Variants in HNF4A observed in about 807,000 individuals in gnomAD.
HNF4A encodes the protein hepatocyte nuclear factor 4 alpha.
A neutral mutation model predicts 52.4 loss-of-function variants in HNF4A; 15 were observed. The ratio of observed to expected loss-of-function variants is 0.29; its 90% CI spans 0.19 to 0.44. The LOEUF (loss-of-function observed/expected upper bound fraction) is 0.44, where lower values mean the gene tolerates loss of function less well. Among genes scored for constraint, HNF4A ranks in the 20% least tolerant of loss-of-function variants. The pLI is 1.00. For missense variants in HNF4A, 479 were observed against 647.2 expected, an observed-to-expected ratio of 0.74 and a Z score of 2.82; for synonymous variants, 280 against 264.4, an observed-to-expected ratio of 1.06 and a Z score of -0.57.
At chr20:44,369,362 C>T (rs2063008345) in intron 1 of HNF4A, among the ~76,000 whole-genome samples, 1 of 148,838 alleles carries the variant, frequency 6.7e-6, no homozygotes, top group Non-Finnish European at 1.5e-5. Context: ...CCCAGGAGGT[C>T]GAGGCTGTAG....
At chr20:44,368,160 A>ATATTTTT (rs1200638153) in intron 1 of HNF4A, among the ~76,000 whole-genome samples, 2 of 27,780 alleles carry the variant, frequency 7.2e-5, no homozygotes, top group African/African-American at 1.5e-4. Flanking sequence ...ATATATATAT[A>ATATTTTT]TTTTTTTTTT....
chr20:44,407,626 T>C (rs2146376947), intron 3 of HNF4A, 151 bp downstream of exon 3: 1 of 710,334 alleles, frequency 1.4e-6, no homozygotes, highest in South Asian at 1.5e-5. Flanking sequence ...GGCCTGGAAA[T>C]CTGACCATAG....
rs773661614 is a variant in HNF4A at position 44,406,076 on chromosome 20, G to A, written c.134G>A (p.Gly45Asp). The change falls in exon 2 of 10, where the codon GGC becomes GAC. Residue 45 changes from glycine (G) to aspartate (D), a missense_variant. Around this residue, in one of 3 missense-constraint regions of HNF4A, gnomAD observed 90 missense variants for 105.5 expected, o/e 0.85. Transcript: ENST00000316099. ...GGCGCAGACACGTCCCCATCAGAAG[G>A]CACCAACCTCAACGCGCCCAACAGC... is the stretch of plus-strand genomic sequence containing the variant. 5.0e-6 allele frequency: 8 copies of A among 1,612,466 alleles called. No homozygotes were observed. The African/African-American group carries it at 9.3e-5, about 19-fold the overall frequency.
chr20:44,425,656 CTTTTTTT>C, intron 8 of HNF4A, among the ~76,000 whole-genome samples: 1 of 129,466 alleles, frequency 7.7e-6, no homozygotes, highest in East Asian at 2.2e-4. Flanking sequence ...TTCTTTTTTC[CTTTTTTT>C]TTTTTTTTTG....
intron 1 of HNF4A, among the ~76,000 whole-genome samples, chr20:44,383,279 T>TTATA (rs1180842871): frequency 6.6e-6 from 1 of 152,204 alleles, no homozygotes; most frequent in Non-Finnish European, 1.5e-5. Context: ...TAAGCCCTTT[T>TTATA]TATACATTAA....
intron 6 of HNF4A, 143 bp from the exon 7 acceptor site, chr20:44,419,578 C>T (rs2063715119): frequency 2.5e-6 from 2 of 802,040 alleles, no homozygotes; most frequent in African/African-American, 1.7e-5. Context: ...CCTCAGCTTC[C>T]TTACCTGTGA....
chr20:44,399,725 C>A (rs1033528804), upstream of HNF4A, among the ~76,000 whole-genome samples: 2 of 152,182 alleles, frequency 1.3e-5, no homozygotes, highest in African/African-American at 4.8e-5. Context: ...TACCCTCATT[C>A]GTTCATTCAC....
intron 5 of HNF4A, among the ~76,000 whole-genome samples, chr20:44,417,051 T>C (rs1399506133): frequency 6.6e-6 from 1 of 152,236 alleles, no homozygotes; most frequent in Non-Finnish European, 1.5e-5. Context: ...TTGTCTCTCG[T>C]TTTTAAACAT....
rs909379911 is a variant in HNF4A at position 44,431,972 on chromosome 20, T to A, written c.*2307T>A. On this transcript the variant is annotated 3_prime_UTR_variant, in exon 10 of 10. Coordinates refer to ENST00000316099, the MANE Select transcript of HNF4A (RefSeq NM_000457.6). ...AGCTCCCAAGCCTTCCCCCACCACC[T>A]CACTCAAGTGCCCCTGAAATCCCTG... 1 of 152,328 alleles carries A rather than the reference T, an allele frequency of 6.6e-6. No individual in the cohort carries two copies. Among genetic ancestry groups the A allele is most frequent in the Admixed American group, 6.5e-5 (1 of 15,282 alleles). The allele number at this position is 152,328 out of a possible 1,614,324, so 9.4% of individuals were successfully genotyped here. A position where few individuals can be genotyped will look rare whatever the true frequency, so the allele number is the denominator to read the frequency against.
chr20:44,392,622 G>T (rs1490373166), intron 1 of HNF4A, among the ~76,000 whole-genome samples: 1 of 152,170 alleles, frequency 6.6e-6, no homozygotes, highest in African/African-American at 2.4e-5. Flanking sequence ...AGGATTATAG[G>T]TGTAAGCCAC....
intron 8 of HNF4A, 81 bp from the exon 9 acceptor site, chr20:44,428,252 GCC>G: frequency 3.5e-6 from 5 of 1,448,918 alleles, no homozygotes; most frequent in Non-Finnish European, 4.8e-6. Context: ...TGGTTGATTG[GCC>G]ACGCCTGAGG....
intron 1 of HNF4A, among the ~76,000 whole-genome samples, chr20:44,378,672 A>G (rs907662291): frequency 1.3e-5 from 2 of 152,114 alleles, no homozygotes; most frequent in African/African-American, 4.8e-5. Flanking sequence ...CCCACACTGA[A>G]ACTGTACCCA....
intron 3 of HNF4A, 55 bp from the exon 4 acceptor site, chr20:44,413,639 C>A (rs2063617557): frequency 1.5e-6 from 2 of 1,325,374 alleles, no homozygotes; most frequent in Non-Finnish European, 1.1e-6. Context: ...ACAGACACCC[C>A]CACCCCCTAC....
Position 44,413,694 on chromosome 20 carries a change from C to A in HNF4A, c.386C>A (p.Ala129Asp), listed in dbSNP as rs1298896114. ...CTCACCTCTCTGTGCCTCCTCACAGCCGTCCAGAATGAGCGGGACCGGATC... is the reference window on the plus strand; with the variant it reads ...CTCACCTCTCTGTGCCTCCTCACAGACGTCCAGAATGAGCGGGACCGGATC... The change falls in exon 4 of 10, where the codon GCC (alanine) becomes GAC (aspartate). Residue 129 changes from alanine (A) to aspartate (D), a missense_variant and splice_region_variant. Coordinates refer to ENST00000316099, the MANE Select transcript of HNF4A (RefSeq NM_000457.6). 1 of 1,612,876 alleles carries A rather than the reference C, an allele frequency of 6.2e-7. No homozygotes were observed. The highest frequency in any genetic ancestry group is 8.5e-7 in the Non-Finnish European group (1 of 1,179,244).
rs137858190 is a variant in HNF4A at position 44,361,033 on chromosome 20, G to A, written c.49+5180G>A. 7.5e-3 allele frequency among the ~76,000 whole-genome samples: 1,141 copies of A among 152,234 alleles called. 13 individuals are homozygous for A. The highest frequency in any genetic ancestry group is 8.0e-3 in the Non-Finnish European group (547 of 68,024). On this transcript the variant is annotated intron_variant, in intron 1 of 9. Transcript: ENST00000316673. ...CCAGATGCTGGCTGGCTATGGGACC[G>A]TGTCCAATATCAGGCTATGGCTGTT...
chr20:44,369,876 G>A (rs2063013560), intron 1 of HNF4A, among the ~76,000 whole-genome samples: 1 of 152,098 alleles, frequency 6.6e-6, no homozygotes, highest in African/African-American at 2.4e-5. Context: ...CAAGCGATTT[G>A]TCCACCTTGG....
chr20:44,401,420 T>C lies in HNF4A; in HGVS notation c.48T>C (p.Ser16=), dbSNP rs2063407107. The change falls in exon 1 of 10, where the codon AGT becomes AGC. Residue 16 remains serine (S), a synonymous_variant. Transcript: ENST00000316099. ...TCGACATGGACATGGCCGACTACAG[T>C]GCTGCACTGGACCCAGCCTACACCA... 7 of 1,614,044 alleles carry C rather than the reference T, an allele frequency of 4.3e-6. No homozygotes were observed. The highest frequency in any genetic ancestry group is 5.9e-6 in the Non-Finnish European group (7 of 1,180,044).
intron 7 of HNF4A, among the ~76,000 whole-genome samples, chr20:44,420,842 A>G (rs895492692): frequency 1.3e-5 from 2 of 152,104 alleles, no homozygotes; most frequent in African/African-American, 2.4e-5. Context: ...ATAAATAAAT[A>G]AATCTACACA....
intron 1 of HNF4A, chr20:44,372,699 G>A (rs2063045998): frequency 6.6e-6 from 1 of 152,104 alleles, no homozygotes; most frequent in Non-Finnish European, 1.5e-5. Context: ...AAGTCATATA[G>A]TTTTTCTGGA....
Sources: gnomAD v4.1 joint callset for allele counts (sites outside exome capture counted in the v4.1 genomes callset) on GRCh38, gnomAD v4.1.1 for gene constraint, gnomAD v4.1.1 regional missense constraint, MANE v1.5 for transcripts, NCBI Gene and HGNC (gene_info 2026-07-23, HGNC 2026-07-21) for gene names.